Variants in SLC12A1 observed in about 807,000 individuals in gnomAD.
SLC12A1 encodes Na-K-2Cl cotransporter.
Under a neutral mutation model 130.4 loss-of-function variants are expected in SLC12A1, and 89 were observed. The observed-to-expected ratio is 0.68, with a 90% CI of 0.58 to 0.81. The LOEUF is 0.81. SLC12A1 is among the 40% of genes least tolerant of loss of function. The pLI, the probability that SLC12A1 is intolerant of heterozygous loss-of-function variation, is 0.00. For synonymous variants in SLC12A1, 499 were observed against 460.0 expected (o/e 1.08, Z -1.09); for missense variants, 1,310 against 1,336.4 (o/e 0.98, Z 0.31).
At chr15:48,254,700 T>TCACG (rs2041685776) in intron 15 of SLC12A1, among the ~76,000 whole-genome samples, 4 of 141,094 alleles carry the variant, frequency 2.8e-5, no homozygotes. Flanking sequence ...GGCGGGTGGA[T>TCACG]CACGATGTCA....
intron 19 of SLC12A1, among the ~76,000 whole-genome samples, chr15:48,272,384 A>G (rs1416112138): frequency 2.6e-5 from 4 of 152,118 alleles, no homozygotes; most frequent in African/African-American, 7.2e-5. Flanking sequence ...AAAAGATTTT[A>G]AATGTCTGTA....
chr15:48,267,846 G>C (rs1242965828), intron 18 of SLC12A1, 145 bp downstream of exon 18: 1 of 806,422 alleles, frequency 1.2e-6, no homozygotes, highest in African/African-American at 1.7e-5. Flanking sequence ...TTGAATTCCT[G>C]GGTATAGGCA....
At chr15:48,221,178 A>G (rs540914082) in intron 4 of SLC12A1, among the ~76,000 whole-genome samples, 182 bp downstream of exon 4, 2 of 152,362 alleles carry the variant, frequency 1.3e-5, no homozygotes, top group East Asian at 1.9e-4. Flanking sequence ...GTTAACTCCT[A>G]TGAAACTGGA....
chr15:48,278,882 C>T (rs1039167827), intron 20 of SLC12A1, among the ~76,000 whole-genome samples: 1 of 152,140 alleles, frequency 6.6e-6, no homozygotes, highest in East Asian at 1.9e-4. Context: ...TTCTATAAAG[C>T]AATACAGCAA....
At chr15:48,291,247 CAT>C (rs57727253) in intron 23 of SLC12A1, among the ~76,000 whole-genome samples, 39,610 of 147,188 alleles carry the variant, frequency 0.27, 5,996 homozygotes, top group East Asian at 0.41. Flanking sequence ...AGGAAAAAAC[CAT>C]ATATATATAT....
In SLC12A1 at chr15:48,289,394, CATATATATATATATATATAT is replaced by C. The variant is rs10609887; in HGVS notation, c.2873+894_2873+913del. Among the ~76,000 whole-genome samples, 711 of 112,866 alleles carry C rather than the reference CATATATATATATATATATAT, an allele frequency of 6.3e-3. 22 individuals carry two copies. The highest frequency in any genetic ancestry group is 0.053 in the Middle Eastern group (13 of 244). 74.0% of individuals were successfully genotyped at this position (112,866 alleles called of 152,430 possible). The stretch of plus-strand genomic sequence containing the variant: ...AGGATGTATTATGCTGTGAATGTGA[CATATATATATATATATATAT>C]ATATATATATATATAATGTATAACT... On this transcript the variant is annotated intron_variant, in intron 23 of 26. Coordinates refer to ENST00000380993, the MANE Select transcript of SLC12A1 (RefSeq NM_000338.3).
intron 5 of SLC12A1, chr15:48,226,990 C>T: frequency 1.2e-6 from 1 of 826,868 alleles, no homozygotes; most frequent in Non-Finnish European, 2.0e-6. Flanking sequence ...GTGGATCTTT[C>T]TGTGACAAGA....
intron 15 of SLC12A1, among the ~76,000 whole-genome samples, chr15:48,252,024 G>GA (rs1231426951): frequency 6.6e-6 from 1 of 152,088 alleles, no homozygotes; most frequent in Non-Finnish European, 1.5e-5. Flanking sequence ...CCAACATGGT[G>GA]AAACCCCATC....
intron 14 of SLC12A1, among the ~76,000 whole-genome samples, chr15:48,250,682 A>ACACACT (rs1454223784): frequency 2.6e-4 from 38 of 145,876 alleles, no homozygotes; most frequent in African/African-American, 9.5e-4. Context: ...TGCCTCACAC[A>ACACACT]CACACACACA....
At chr15:48,289,250 T>C (rs1333497408) in intron 23 of SLC12A1, among the ~76,000 whole-genome samples, 1 of 151,394 alleles carries the variant, frequency 6.6e-6, no homozygotes, top group Non-Finnish European at 1.5e-5. Context: ...CAGCAGCTCT[T>C]AGTCCCTCAG....
intron 24 of SLC12A1, among the ~76,000 whole-genome samples, chr15:48,293,244 T>C (rs948157236): frequency 1.3e-5 from 2 of 152,210 alleles, no homozygotes; most frequent in Admixed American, 1.3e-4. Context: ...GGTTAGATCT[T>C]CACAGTAGTT....
At chr15:48,247,606 C>G (rs2041597637) in intron 13 of SLC12A1, 146 bp downstream of exon 13, 1 of 657,544 alleles carries the variant, frequency 1.5e-6, no homozygotes, top group Non-Finnish European at 2.5e-6. Context: ...ATGAGAAATC[C>G]TTGTGTGTAG....
intron 5 of SLC12A1, chr15:48,227,558 A>C: frequency 8.8e-6 from 2 of 227,720 alleles, no homozygotes; most frequent in Non-Finnish European, 1.7e-5. Context: ...TCAGTAAACC[A>C]CTCCTGCACC....
chr15:48,222,381 A>G (rs1013732673), intron 4 of SLC12A1: 1 of 152,192 alleles, frequency 6.6e-6, no homozygotes, highest in African/African-American at 2.4e-5. Context: ...TCAACCCAGT[A>G]TTGAGTTTCT....
In SLC12A1 at chr15:48,267,691, G is replaced by A. The variant is rs767926040; in HGVS notation, c.2285G>A (p.Ser762Asn). Residue 762 changes from serine (S) to asparagine (N), a missense_variant, in exon 18 of 27, where the codon AGT becomes AAT. Transcript: ENST00000380993. ...AADCFRDGVR[S>N]LLQASGLGRM... is the part of the protein sequence containing the mutation. Reference sequence around the variant, plus strand: ...GACTGTTTCAGGGATGGTGTCCGAAGTCTTCTTCAGGTAAGGCTGCATTGA... The same window carrying A: ...GACTGTTTCAGGGATGGTGTCCGAAATCTTCTTCAGGTAAGGCTGCATTGA... 3 of 1,613,332 alleles carry A rather than the reference G, an allele frequency of 1.9e-6. No homozygotes were observed. Among genetic ancestry groups the A allele is most frequent in the Non-Finnish European group, 2.5e-6 (3 of 1,179,410 alleles).
chr15:48,247,405 A>G lies in SLC12A1; in HGVS notation c.1629A>G (p.Glu543=). ...FFAKGYGKNN[E]PLRGYILTFL... ...CAAAGGGATATGGGAAAAACAATGA[A>G]CCCCTGAGAGGATATATTCTCACTT... The change falls in exon 13 of 27, where the codon GAA becomes GAG. Residue 543 remains glutamate (E), a synonymous_variant. Coordinates refer to ENST00000380993, the MANE Select transcript of SLC12A1 (RefSeq NM_000338.3). 1 of 1,610,812 alleles carries G rather than the reference A, an allele frequency of 6.2e-7. No homozygotes were observed. Among genetic ancestry groups the G allele is most frequent in the East Asian group, 2.2e-5 (1 of 44,850 alleles).
intron 24 of SLC12A1, among the ~76,000 whole-genome samples, chr15:48,297,603 A>G (rs1013428589): frequency 6.6e-6 from 1 of 152,246 alleles, no homozygotes; most frequent in Non-Finnish European, 1.5e-5. Context: ...CCTGATCAAA[A>G]TAAGTATACG....
intron 11 of SLC12A1, among the ~76,000 whole-genome samples, chr15:48,245,941 A>G (rs1034803959): frequency 2.0e-5 from 3 of 152,202 alleles, no homozygotes; most frequent in African/African-American, 7.2e-5. Context: ...TGAGTGCCAG[A>G]GGGAACGTAA....
chr15:48,239,374 C>T (rs1008475482), intron 9 of SLC12A1, among the ~76,000 whole-genome samples: 1 of 151,854 alleles, frequency 6.6e-6, no homozygotes, highest in Non-Finnish European at 1.5e-5. Flanking sequence ...ACTAGCTGGG[C>T]GTGGTGGCAC....
Sources: gnomAD v4.1 joint callset for allele counts (sites outside exome capture counted in the v4.1 genomes callset) on GRCh38, gnomAD v4.1.1 for gene constraint, MANE v1.5 for transcripts, NCBI Gene and HGNC (gene_info 2026-07-23, HGNC 2026-07-21) for gene names.